GOLGA4: variants seen among roughly 807,000 people sequenced by gnomAD.
GOLGA4 encodes the protein golgin subfamily A member 4.
Under a neutral mutation model 265.9 loss-of-function variants are expected in GOLGA4, and 169 were observed. The observed-to-expected ratio is 0.64, with a 90% CI of 0.56 to 0.72. The LOEUF is 0.72. GOLGA4 is among the 30% of genes least tolerant of loss of function. The probability of loss-of-function intolerance (pLI) is 0.00; values close to 1 mark genes in which losing one functional copy is unlikely to be tolerated. For missense variants in GOLGA4, 2,482 were observed against 2,483.4 expected (o/e 1.00, Z 0.01); for synonymous variants, 923 against 855.8 (o/e 1.08, Z -1.37).
intron 10 of GOLGA4, among the ~76,000 whole-genome samples, chr3:37,312,380 G>A (rs2150916176): frequency 6.6e-6 from 1 of 152,026 alleles, no homozygotes; most frequent in South Asian, 2.1e-4. Flanking sequence ...CATTATTTCC[G>A]TATTTTCTGT....
chr3:37,337,685 C>A lies in GOLGA4; in HGVS notation c.6347C>A (p.Thr2116Lys), dbSNP rs780800757. Residue 2116 changes from threonine to lysine, a missense_variant, in exon 19 of 24, where the codon ACG becomes AAG. By Grantham distance (78) the Thr-to-Lys change is moderately conservative. Transcript: ENST00000361924. The part of the protein sequence containing the change: ...MELQTQLAQK[T>K]TLISDSKLKE... ...TTTCAGACACAGCTAGCACAGAAGA[C>A]GACTTTAATCAGTGATTCGAAATTG... 1 of 1,610,936 alleles carries A rather than the reference C, an allele frequency of 6.2e-7. No homozygotes were observed.
chr3:37,364,216 C>T (rs1696569115), intron 23 of GOLGA4, among the ~76,000 whole-genome samples: 1 of 152,072 alleles, frequency 6.6e-6, no homozygotes, highest in Non-Finnish European at 1.5e-5. Flanking sequence ...GATGTGACTA[C>T]TGGTTTTAGC....
intron 1 of GOLGA4, among the ~76,000 whole-genome samples, chr3:37,247,852 T>C (rs1393492925): frequency 6.6e-6 from 1 of 152,200 alleles, no homozygotes; most frequent in East Asian, 1.9e-4. Flanking sequence ...AGCAGCTCCT[T>C]GCCACGTGCC....
intron 14 of GOLGA4, 137 bp from the exon 15 acceptor site, chr3:37,328,279 C>A: frequency 2.6e-6 from 2 of 765,238 alleles, no homozygotes; most frequent in Non-Finnish European, 2.2e-6. Flanking sequence ...CTCACTCTCA[C>A]ACTCTCTCTC....
chr3:37,284,953 C>T (rs1222916252), intron 3 of GOLGA4, among the ~76,000 whole-genome samples: 1 of 152,134 alleles, frequency 6.6e-6, no homozygotes, highest in African/African-American at 2.4e-5. Flanking sequence ...GTGTGAGCCA[C>T]CATGCCTGGC....
Position 37,335,134 on chromosome 3 carries a change from C to G in GOLGA4, c.6274C>G (p.Leu2092Val). The G allele has an allele frequency of 3.1e-6, 5 of 1,603,348 alleles. No individual in the cohort carries two copies. The highest frequency in any genetic ancestry group is 4.3e-6 in the Non-Finnish European group (5 of 1,172,714). ...GCTGCAGAAGAAATACCAGCAAAAG[C>G]TAGAGCAGGAGGAGAACCCTGGCAA... ...EELQKKYQQKLEQEENPGNDN... is the reference protein window; with the variant it reads ...EELQKKYQQKVEQEENPGNDN... The change falls in exon 17 of 24, where the codon CTA (leucine) becomes GTA (valine). Residue 2092 changes from leucine to valine, a missense_variant. Coordinates refer to ENST00000361924, the MANE Select transcript of GOLGA4 (RefSeq NM_002078.5).
At chr3:37,303,064 C>T (rs943405668) in intron 10 of GOLGA4, among the ~76,000 whole-genome samples, 1 of 152,226 alleles carries the variant, frequency 6.6e-6, no homozygotes, top group Non-Finnish European at 1.5e-5. Context: ...TGCTACAATG[C>T]CGTAAACAGG....
Position 37,323,708 on chromosome 3 carries a change from A to G in GOLGA4, c.1822A>G (p.Met608Val), listed in dbSNP as rs760816903. 7 of 1,613,840 alleles carry G rather than the reference A, an allele frequency of 4.3e-6. No homozygotes were observed. The highest frequency in any genetic ancestry group is 2.2e-5 in the East Asian group (1 of 44,856). Residue 608 changes from methionine (M) to valine (V), a missense_variant, in exon 14 of 24, where the codon ATG becomes GTG. By Grantham distance (21) the Met-to-Val change is conservative. Coordinates refer to ENST00000361924, the MANE Select transcript of GOLGA4 (RefSeq NM_002078.5). ...KNKHNKEITV[M>V]VEKHKTELES... ...TAAGCACAATAAGGAGATTACAGTC[A>G]TGGTTGAAAAACACAAGACAGAATT... is the stretch of plus-strand genomic sequence containing the variant.
At chr3:37,288,765 A>C (rs749437145) in intron 4 of GOLGA4, among the ~76,000 whole-genome samples, 1 of 152,234 alleles carries the variant, frequency 6.6e-6, no homozygotes, top group Non-Finnish European at 1.5e-5. Flanking sequence ...GGTGTGAGCC[A>C]CTGCGCCCGG....
Position 37,302,071 on chromosome 3 carries a change from G to C in GOLGA4, c.1087-114G>C, listed in dbSNP as rs2096894422. 7 of 835,682 alleles carry C rather than the reference G, an allele frequency of 8.4e-6. No individual in the cohort carries two copies. The East Asian group carries it at 1.6e-4, about 19-fold the overall frequency. The allele number at this position is 835,682 out of a possible 1,614,324, so 51.8% of individuals were successfully genotyped here. A position where few individuals can be genotyped will look rare whatever the true frequency, so the allele number is the denominator to read the frequency against. On this transcript the variant is annotated intron_variant, in intron 9 of 23. Coordinates refer to ENST00000361924, the MANE Select transcript of GOLGA4 (RefSeq NM_002078.5). ...CCCAAAGTGCTGGGATTATGGACAT[G>C]AGTCACCATGCACCATGCCCGGCCT...
At chr3:37,334,526 A>AC (rs2097002981) in intron 16 of GOLGA4, among the ~76,000 whole-genome samples, 1 of 151,902 alleles carries the variant, frequency 6.6e-6, no homozygotes, top group South Asian at 2.1e-4. Flanking sequence ...AAAACTGAAA[A>AC]CCCCGTAACT....
chr3:37,328,892 C>G, intron 15 of GOLGA4, 71 bp from the exon 16 acceptor site: 4 of 1,234,794 alleles, frequency 3.2e-6, no homozygotes, highest in Non-Finnish European at 4.4e-6. Flanking sequence ...AGAGTTGTTA[C>G]TGAAATTGAG....
At position 37,327,252 on chromosome 3, in the gene GOLGA4, A is replaced by C. The variant is rs930395935; in HGVS notation, c.5366A>C (p.Glu1789Ala). 1 of 1,613,810 alleles carries C rather than the reference A, an allele frequency of 6.2e-7. No individual in the cohort carries two copies. The highest frequency in any genetic ancestry group is 8.5e-7 in the Non-Finnish European group (1 of 1,179,850). The change falls in exon 14 of 24, where the codon GAA becomes GCA. Residue 1789 changes from glutamate (E) to alanine (A), a missense_variant. Coordinates refer to ENST00000361924, the MANE Select transcript of GOLGA4 (RefSeq NM_002078.5). ...KLEHAEAKQH[E>A]DQSMIGHLQE... ...GAACATGCTGAGGCAAAGCAACATG[A>C]AGATCAAAGTATGATAGGTCATCTT...
chr3:37,308,534 A>C (rs2096913575), intron 10 of GOLGA4, among the ~76,000 whole-genome samples: 1 of 151,566 alleles, frequency 6.6e-6, no homozygotes, highest in South Asian at 2.1e-4. Flanking sequence ...AACACTCTTA[A>C]AACTTATTGG....
intron 14 of GOLGA4, 136 bp from the exon 15 acceptor site, chr3:37,328,276 TCACA>T (rs757082100): frequency 2.8e-6 from 2 of 717,160 alleles, no homozygotes; most frequent in Non-Finnish European, 4.7e-6. Context: ...ACACTCACTC[TCACA>T]CTCTCTCTCT....
At chr3:37,337,830 T>G in intron 19 of GOLGA4, 96 bp downstream of exon 19, 2 of 794,660 alleles carry the variant, frequency 2.5e-6, no homozygotes, top group Non-Finnish European at 4.3e-6. Context: ...TTTGAAATTT[T>G]TCAGTCTTAC....
chr3:37,328,987 A>T lies in GOLGA4; in HGVS notation c.6086A>T (p.Glu2029Val), dbSNP rs771351652. ...TINKAQEVEA[E>V]LLESHQEETN... is the part of the protein sequence containing the mutation. ...GATAAGGCCCAGGAGGTGGAGGCTG[A>T]ACTTTTAGAAAGCCATCAAGAAGAG... The change falls in exon 16 of 24, where the codon GAA becomes GTA. Residue 2029 changes from glutamate to valine, a missense_variant. Glu to Val is a moderately radical substitution (Grantham distance 121). This residue lies in a region of GOLGA4 where 942 missense variants were observed against 983.1 expected (regional missense o/e 0.96). Transcript: ENST00000361924. The T allele has an allele frequency of 6.2e-7, 1 of 1,607,578 alleles. No individual in the cohort carries two copies. The highest frequency in any genetic ancestry group is 8.5e-7 in the Non-Finnish European group (1 of 1,177,608).
At chr3:37,314,039 G>A (rs1263442031) in intron 10 of GOLGA4, among the ~76,000 whole-genome samples, 2 of 150,466 alleles carry the variant, frequency 1.3e-5, no homozygotes, top group Admixed American at 1.3e-4. Context: ...ATCTTAAGAA[G>A]CTTGCTGCAG....
chr3:37,291,224 G>C (rs1327315636), intron 5 of GOLGA4, among the ~76,000 whole-genome samples: 2 of 152,018 alleles, frequency 1.3e-5, no homozygotes, highest in Admixed American at 1.3e-4. Flanking sequence ...TAAAGACACA[G>C]GAATACCTCT....
Sources: allele counts gnomAD v4.1 joint callset (sites outside exome capture counted in the v4.1 genomes callset), GRCh38; gene constraint gnomAD v4.1.1; regional missense constraint gnomAD v4.1.1; transcripts MANE v1.5; gene names NCBI Gene and HGNC (gene_info 2026-07-23, HGNC 2026-07-21).